The following SLC25A12 variants were observed in gnomAD, a reference collection of about 807,000 sequenced individuals.
The protein encoded by SLC25A12 is electrogenic aspartate/glutamate antiporter SLC25A12, mitochondrial.
Under a neutral mutation model 83.3 loss-of-function variants are expected in SLC25A12, and 32 were observed. That is an observed-to-expected ratio of 0.38 (90% confidence interval 0.29 to 0.52). The LOEUF is 0.52. Ranked by LOEUF, SLC25A12 falls within the 20% of genes least tolerant of loss-of-function variation. SLC25A12 has a pLI of 0.84. For missense variants in SLC25A12, 611 were observed against 835.6 expected (o/e 0.73, Z 3.31); for synonymous variants, 267 against 291.1 (o/e 0.92, Z 0.84).
At chr2:171,833,194 C>G (rs1306950143) in intron 8 of SLC25A12, among the ~76,000 whole-genome samples, 4 of 152,158 alleles carry the variant, frequency 2.6e-5, no homozygotes, top group African/African-American at 9.7e-5. Flanking sequence ...CCTATCTCCA[C>G]TAGACAGAGC....
chr2:171,881,604 C>T (rs1685695899), intron 2 of SLC25A12, among the ~76,000 whole-genome samples: 1 of 152,078 alleles, frequency 6.6e-6, no homozygotes, highest in African/African-American at 2.4e-5. Flanking sequence ...TGGGGTAGAG[C>T]TCAGGAAGGA....
chr2:171,800,361 C>G (rs1279101870), intron 13 of SLC25A12, among the ~76,000 whole-genome samples: 1 of 150,840 alleles, frequency 6.6e-6, no homozygotes, highest in Non-Finnish European at 1.5e-5. Context: ...ATACGAATAG[C>G]CAATAAACAC....
chr2:171,793,881 GA>G (rs1683541087), intron 13 of SLC25A12, 114 bp from the exon 14 acceptor site: 2 of 1,204,788 alleles, frequency 1.7e-6, no homozygotes, highest in Non-Finnish European at 2.4e-6. Context: ...AGAAGGAGGT[GA>G]AACTTCCTTC....
chr2:171,823,943 C>CAA (rs5836354), intron 9 of SLC25A12, among the ~76,000 whole-genome samples: 2 of 142,132 alleles, frequency 1.4e-5, no homozygotes, highest in African/African-American at 2.6e-5. Flanking sequence ...CCTGTCTCCA[C>CAA]AAAAAAAAAA....
intron 15 of SLC25A12, among the ~76,000 whole-genome samples, chr2:171,789,300 C>T (rs1690550033): frequency 6.6e-6 from 1 of 152,174 alleles, no homozygotes; most frequent in Non-Finnish European, 1.5e-5. Context: ...ACAATCTCGG[C>T]TCACTGCAAG....
chr2:171,850,573 G>A (rs938154238), intron 4 of SLC25A12, among the ~76,000 whole-genome samples: 7 of 151,578 alleles, frequency 4.6e-5, no homozygotes, highest in Non-Finnish European at 7.4e-5. Context: ...GTCCATATTG[G>A]CCAGGCTGGT....
At chr2:171,875,216 C>T (rs777702301) in intron 2 of SLC25A12, among the ~76,000 whole-genome samples, 2 of 152,150 alleles carry the variant, frequency 1.3e-5, no homozygotes, top group African/African-American at 2.4e-5. Flanking sequence ...ACCAAGTGGC[C>T]AATGGGGAAC....
chr2:171,843,678 A>G (rs766279163), intron 5 of SLC25A12, among the ~76,000 whole-genome samples: 1 of 152,102 alleles, frequency 6.6e-6, no homozygotes, highest in Non-Finnish European at 1.5e-5. Flanking sequence ...TTACAAAATT[A>G]TAATAACTCA....
chr2:171,849,558 C>CT (rs72304626), intron 4 of SLC25A12, among the ~76,000 whole-genome samples: 34,193 of 114,554 alleles, frequency 0.3, 5,855 homozygotes, highest in African/African-American at 0.41. Flanking sequence ...GTGGTGTGAT[C>CT]TTTTTTTTTT....
At chr2:171,815,051 T>C (rs749450263) in intron 10 of SLC25A12, 70 bp downstream of exon 10, 10 of 1,259,596 alleles carry the variant, frequency 7.9e-6, no homozygotes, top group Non-Finnish European at 1.2e-5. Context: ...CCTTTGCTGA[T>C]CTGCCTCAGT....
intron 3 of SLC25A12, among the ~76,000 whole-genome samples, chr2:171,866,327 C>T (rs1200657619): frequency 5.2e-4 from 66 of 126,352 alleles, no homozygotes; most frequent in Non-Finnish European, 7.7e-4. Context: ...CATCATGGCC[C>T]GTTCTCAATG....
At chr2:171,878,465 G>A (rs941765353) in intron 2 of SLC25A12, among the ~76,000 whole-genome samples, 16 of 152,086 alleles carry the variant, frequency 1.1e-4, no homozygotes, top group African/African-American at 3.9e-4. Flanking sequence ...GAATTCTTCT[G>A]CTTTTGCCCA....
chr2:171,853,047 G>T (rs544235807), intron 4 of SLC25A12, among the ~76,000 whole-genome samples: 2 of 152,244 alleles, frequency 1.3e-5, no homozygotes, highest in East Asian at 3.9e-4. Flanking sequence ...TTTAGAGACT[G>T]GGTATCACTA....
chr2:171,824,602 C>A (rs1436217914), intron 9 of SLC25A12, among the ~76,000 whole-genome samples: 2 of 152,126 alleles, frequency 1.3e-5, no homozygotes, highest in Non-Finnish European at 2.9e-5. Flanking sequence ...CAAATTTTCA[C>A]AGATGTATAG....
intron 9 of SLC25A12, among the ~76,000 whole-genome samples, chr2:171,819,462 A>ATG (rs386391838): frequency 7.5e-6 from 1 of 132,786 alleles, no homozygotes. Context: ...CTTATTATAT[A>ATG]TTATATATAT....
chr2:171,786,801 G>C (rs1057071100), intron 17 of SLC25A12, among the ~76,000 whole-genome samples: 39 of 152,200 alleles, frequency 2.6e-4, no homozygotes, highest in African/African-American at 9.1e-4. Flanking sequence ...AAACCTATTG[G>C]TTTTTCCAGT....
intron 14 of SLC25A12, among the ~76,000 whole-genome samples, chr2:171,791,989 A>G (rs952212115): frequency 2.6e-5 from 4 of 152,190 alleles, no homozygotes; most frequent in Non-Finnish European, 5.9e-5. Flanking sequence ...GAGTCCCCGC[A>G]GTGCCAGGTA....
intron 9 of SLC25A12, 22 bp downstream of exon 9, chr2:171,826,776 A>G: frequency 1.5e-6 from 2 of 1,372,986 alleles, no homozygotes; most frequent in Non-Finnish European, 2.1e-6. Flanking sequence ...TAAGGTGATC[A>G]TATTTATGAG....
At chr2:171,801,921 G>A (rs1456283019) in intron 13 of SLC25A12, among the ~76,000 whole-genome samples, 2 of 149,222 alleles carry the variant, frequency 1.3e-5, no homozygotes, top group South Asian at 2.1e-4. Context: ...GTGTGTGTGT[G>A]TGTGTGTGTG....
Sources: gnomAD v4.1 joint callset for allele counts (sites outside exome capture counted in the v4.1 genomes callset) on GRCh38, gnomAD v4.1.1 for gene constraint, MANE v1.5 for transcripts, NCBI Gene and HGNC (gene_info 2026-07-23, HGNC 2026-07-21) for gene names.